The following PANK2 variants were observed in gnomAD, a reference collection of about 807,000 sequenced individuals.
PANK2 encodes pantothenate kinase 2, also known as pantothenate kinase 2, mitochondrial.
PANK2 carries 36 observed loss-of-function variants against 43.1 expected under a neutral mutation model. The observed-to-expected ratio is 0.84, with a 90% CI of 0.64 to 1.10. The LOEUF (loss-of-function observed/expected upper bound fraction) is 1.10. Ranked by LOEUF, PANK2 falls within the 50% of genes least tolerant of loss-of-function variation. The probability of loss-of-function intolerance (pLI) is 0.00; values close to 1 mark genes in which losing one functional copy is unlikely to be tolerated. For synonymous variants in PANK2, 281 were observed against 238.2 expected (o/e 1.18, Z -1.66); for missense variants, 576 against 593.3 (o/e 0.97, Z 0.30).
chr20:3,889,596 C>G lies in PANK2; in HGVS notation c.166C>G (p.Arg56Gly). The G allele has an allele frequency of 6.6e-7, 1 of 1,506,912 alleles. No homozygotes were observed. The highest frequency in any genetic ancestry group is 8.8e-7 in the Non-Finnish European group (1 of 1,135,282). 93.3% of individuals were successfully genotyped at this position (1,506,912 alleles called of 1,614,324 possible). Residue 56 changes from arginine (R) to glycine (G), a missense_variant, in exon 1 of 7, where the codon CGG (arginine) becomes GGG (glycine). Arg to Gly is a moderately radical substitution (Grantham distance 125). Around this residue, in one of 2 missense-constraint regions of PANK2, gnomAD observed 544 missense variants for 528.9 expected, o/e 1.03. Transcript: ENST00000610179. ...GCGGCGGCAGGAGCCACTGCGGCGCCGGGCGAGCAGCGCGTCGGTGCCCGC... is the reference window on the plus strand; with the variant it reads ...GCGGCGGCAGGAGCCACTGCGGCGCGGGGCGAGCAGCGCGTCGGTGCCCGC...
At chr20:3,919,640 A>G (rs2090617897) in intron 6 of PANK2, among the ~76,000 whole-genome samples, 1 of 152,166 alleles carries the variant, frequency 6.6e-6, no homozygotes, top group South Asian at 2.1e-4. Flanking sequence ...AAGCACTCTT[A>G]TTTTTCCTAT....
chr20:3,889,077 G>A, upstream of PANK2: 2 of 1,519,006 alleles, frequency 1.3e-6, no homozygotes, highest in East Asian at 2.5e-5. Context: ...GCATGCACAA[G>A]TGGGGGGCGG....
chr20:3,896,219 C>CGCCT (rs2090205353), intron 1 of PANK2, among the ~76,000 whole-genome samples: 1 of 147,150 alleles, frequency 6.8e-6, no homozygotes, highest in Non-Finnish European at 1.5e-5. Flanking sequence ...CCCGCCACCA[C>CGCCT]GCCTGGCTAA....
At chr20:3,897,388 G>A (rs1159223597) in intron 1 of PANK2, among the ~76,000 whole-genome samples, 1 of 152,146 alleles carries the variant, frequency 6.6e-6, no homozygotes, top group Non-Finnish European at 1.5e-5. Flanking sequence ...CTAACTAGAA[G>A]GCAGGGGCCT....
At chr20:3,907,555 C>G (rs2090406392) in intron 1 of PANK2, among the ~76,000 whole-genome samples, 1 of 152,010 alleles carries the variant, frequency 6.6e-6, no homozygotes, top group South Asian at 2.1e-4. Flanking sequence ...ACTCTGAAGT[C>G]TCAATGTTTT....
Position 3,889,704 on chromosome 20 carries a change from G to A in PANK2, c.274G>A (p.Glu92Lys). Residue 92 changes from glutamate to lysine, a missense_variant, in exon 1 of 7, where the codon GAA becomes AAA. Coordinates refer to ENST00000610179, the MANE Select transcript of PANK2 (RefSeq NM_001386393.1). Reference sequence around the variant, plus strand: ...CACCTCGGTCTCCCGCCAGCGCGTCGAAAGCCTGAGGAAAAAGCGGCCGCG... The same window carrying A: ...CACCTCGGTCTCCCGCCAGCGCGTCAAAAGCCTGAGGAAAAAGCGGCCGCG... The A allele has an allele frequency of 6.3e-7, 1 of 1,595,762 alleles. No individual in the cohort carries two copies. Among genetic ancestry groups the A allele is most frequent in the Non-Finnish European group, 8.5e-7 (1 of 1,179,034 alleles).
chr20:3,895,782 C>T (rs534034984), intron 1 of PANK2, among the ~76,000 whole-genome samples: 17 of 152,046 alleles, frequency 1.1e-4, no homozygotes, highest in Admixed American at 1.0e-3. Context: ...TTTAGTAGTT[C>T]GTTACATTTT....
chr20:3,894,239 G>GT lies in PANK2; in HGVS notation c.298+4513dup, dbSNP rs533470191. The stretch of plus-strand genomic sequence containing the variant: ...AGCCACCGTGCCTGACCGAAAAGAT[G>GT]TTGTTTGTTTGTTTGTTTTTGAGAC... On this transcript the variant is annotated intron_variant, in intron 1 of 6. Transcript: ENST00000610179. Among the ~76,000 whole-genome samples, 64 of 137,926 alleles carry GT rather than the reference G, an allele frequency of 4.6e-4. 1 individual carries two copies. The South Asian group carries it at 0.015, about 32-fold the overall frequency. 90.5% of individuals were successfully genotyped at this position (137,926 alleles called of 152,430 possible).
In PANK2 at chr20:3,926,887, GTGAGCCGAGATTGCTGCAC is replaced by G. The variant is rs1175490750; in HGVS notation, c.*3596_*3614del. 7.4e-6 allele frequency: 1 copy of G among 134,476 alleles called. No individual in the cohort carries two copies. Among genetic ancestry groups the G allele is most frequent in the African/African-American group, 3.8e-5 (1 of 26,606 alleles). The allele number at this position is 134,476 out of a possible 1,614,324, so 8.3% of individuals were successfully genotyped here. On this transcript the variant is annotated 3_prime_UTR_variant, in exon 7 of 7. Transcript: ENST00000610179. ...AACCTGGGAGGCAGAGGTTGCTGCA[GTGAGCCGAGATTGCTGCAC>G]TGCACTCCAGCCTGGGTGACAGCAA...
chr20:3,897,406 T>C (rs746127343), intron 1 of PANK2, among the ~76,000 whole-genome samples: 2 of 152,130 alleles, frequency 1.3e-5, no homozygotes, highest in Non-Finnish European at 2.9e-5. Context: ...CCTTCTCTTA[T>C]CAGTGAGCTC....
At chr20:3,922,417 T>C (rs1004368273) in intron 6 of PANK2, among the ~76,000 whole-genome samples, 3 of 152,238 alleles carry the variant, frequency 2.0e-5, no homozygotes, top group African/African-American at 7.2e-5. Context: ...GTCTCTCAGC[T>C]GCTGCTTCTG....
intron 1 of PANK2, among the ~76,000 whole-genome samples, chr20:3,896,202 A>G (rs1465202529): frequency 2.0e-5 from 3 of 148,760 alleles, no homozygotes; most frequent in African/African-American, 7.5e-5. Context: ...AGCTGGGACT[A>G]CAGGTGCCCG....
chr20:3,889,112 C>T (rs774784800), upstream of PANK2: 104 of 1,547,492 alleles, frequency 6.7e-5, 1 homozygote, highest in Middle Eastern at 4.5e-3. Context: ...TGAGGAGGCT[C>T]GGGCCCTTCC....
rs2090728908 is a variant in PANK2 at position 3,926,926 on chromosome 20, C to T, written c.*3632C>T. The T allele has an allele frequency of 8.0e-6, 1 of 124,716 alleles. No individual in the cohort carries two copies. 7.7% of individuals were successfully genotyped at this position (124,716 alleles called of 1,614,324 possible). ...CTGCACTGCACTCCAGCCTGGGTGA[C>T]AGCAAGACTGTCTCAAAAAAAAAAA... On this transcript the variant is annotated 3_prime_UTR_variant, in exon 7 of 7. Coordinates refer to ENST00000610179, the MANE Select transcript of PANK2 (RefSeq NM_001386393.1).
At chr20:3,919,880 TTTAAAG>T (rs2090621017) in intron 6 of PANK2, among the ~76,000 whole-genome samples, 1 of 152,258 alleles carries the variant, frequency 6.6e-6, no homozygotes, top group Non-Finnish European at 1.5e-5. Context: ...TACTTTTTCC[TTTAAAG>T]TTACTTTAAG....
Position 3,889,612 on chromosome 20 carries a change from C to T in PANK2, c.182C>T (p.Ser61Leu), listed in dbSNP as rs1375502090. 5.9e-6 allele frequency: 9 copies of T among 1,534,218 alleles called. No homozygotes were observed. In the Admixed American group the frequency reaches 7.7e-5, roughly 13 times the overall value. Reference sequence around the variant, plus strand: ...CTGCGGCGCCGGGCGAGCAGCGCGTCGGTGCCCGCGGTCGGGGCCTCGGCT... The same window carrying T: ...CTGCGGCGCCGGGCGAGCAGCGCGTTGGTGCCCGCGGTCGGGGCCTCGGCT... The change falls in exon 1 of 7, where the codon TCG becomes TTG. Residue 61 changes from serine (S) to leucine (L), a missense_variant. Ser to Leu is a moderately radical substitution (Grantham distance 145, BLOSUM62 -2). This residue lies in a region of PANK2 where 544 missense variants were observed against 528.9 expected (regional missense o/e 1.03). Transcript: ENST00000610179.
At chr20:3,894,364 C>T (rs1460448909) in intron 1 of PANK2, among the ~76,000 whole-genome samples, 1 of 151,318 alleles carries the variant, frequency 6.6e-6, no homozygotes, top group Non-Finnish European at 1.5e-5. Flanking sequence ...CCTTAGCCTC[C>T]CGAATAGCTG....
At chr20:3,892,340 C>A (rs1478399725) in intron 1 of PANK2, among the ~76,000 whole-genome samples, 21 of 142,524 alleles carry the variant, frequency 1.5e-4, no homozygotes, top group South Asian at 2.2e-4. Flanking sequence ...TGAGACTCCT[C>A]AAAAAAAAAA....
chr20:3,888,957 GCGGGAGCAC>G, upstream of PANK2: 1 of 581,916 alleles, frequency 1.7e-6, no homozygotes, highest in South Asian at 3.0e-5. Context: ...GCCAGACGCT[GCGGGAGCAC>G]TGCTGGGCTG....
Sources: gnomAD v4.1 joint callset for allele counts (sites outside exome capture counted in the v4.1 genomes callset) on GRCh38, gnomAD v4.1.1 for gene constraint, gnomAD v4.1.1 regional missense constraint, MANE v1.5 for transcripts, NCBI Gene and HGNC (gene_info 2026-07-23, HGNC 2026-07-21) for gene names.